The following CTNND2 variants were observed in gnomAD, a reference collection of about 807,000 sequenced individuals.
CTNND2 encodes catenin delta 2, also known as catenin delta-2.
A neutral mutation model predicts 144.4 loss-of-function variants in CTNND2; 22 were observed. The ratio of observed to expected loss-of-function variants is 0.15; its 90% CI spans 0.11 to 0.22. CTNND2 has a LOEUF of 0.22. Among genes scored for constraint, CTNND2 ranks in the 10% least tolerant of loss-of-function variants. The pLI is 1.00. For synonymous variants in CTNND2, 751 were observed against 695.6 expected (o/e 1.08, Z -1.25); for missense variants, 1,353 against 1,618.8 (o/e 0.84, Z 2.82).
chr5:11,519,841 G>A (rs1290961708), intron 3 of CTNND2, among the ~76,000 whole-genome samples: 1 of 151,846 alleles, frequency 6.6e-6, no homozygotes, highest in East Asian at 1.9e-4. Context: ...AGTGACTGTT[G>A]AAAATATCTC....
chr5:11,869,580 A>G (rs1795930217), intron 1 of CTNND2, among the ~76,000 whole-genome samples: 2 of 152,230 alleles, frequency 1.3e-5, no homozygotes, highest in South Asian at 4.1e-4. Flanking sequence ...AAGAATGGAA[A>G]GATGGAGAAT....
At chr5:11,620,556 C>G (rs1780780386) in intron 2 of CTNND2, among the ~76,000 whole-genome samples, 1 of 152,174 alleles carries the variant, frequency 6.6e-6, no homozygotes, top group African/African-American at 2.4e-5. Flanking sequence ...TCCTGACTGG[C>G]CCAGTGCTTG....
intron 10 of CTNND2, among the ~76,000 whole-genome samples, chr5:11,211,886 GA>G (rs1738676647): frequency 1.3e-5 from 2 of 152,060 alleles, no homozygotes; most frequent in Admixed American, 6.5e-5. Flanking sequence ...ATTTATGATA[GA>G]AATGTCGAGA....
intron 12 of CTNND2, among the ~76,000 whole-genome samples, chr5:11,151,273 T>C (rs972382486): frequency 6.6e-6 from 1 of 152,234 alleles, no homozygotes; most frequent in African/African-American, 2.4e-5. Context: ...AATAGATTTG[T>C]TTGCTTCTCC....
intron 16 of CTNND2, among the ~76,000 whole-genome samples, chr5:11,049,965 A>T (rs1362815596): frequency 6.6e-6 from 1 of 152,236 alleles, no homozygotes; most frequent in Non-Finnish European, 1.5e-5. Context: ...TTCCAGTGCC[A>T]GGCTCATAGT....
intron 9 of CTNND2, among the ~76,000 whole-genome samples, chr5:11,286,345 A>T (rs1270533584): frequency 1.3e-5 from 2 of 152,224 alleles, no homozygotes; most frequent in African/African-American, 4.8e-5. Flanking sequence ...TTCACTTATG[A>T]ACAAATCCCA....
chr5:11,551,533 T>C (rs1275046872), intron 3 of CTNND2, among the ~76,000 whole-genome samples: 2 of 144,280 alleles, frequency 1.4e-5, no homozygotes, highest in Admixed American at 1.5e-4. Context: ...TCCTCCCACC[T>C]CAGCCTCCTG....
At chr5:11,400,096 T>C (rs1760500848) in intron 5 of CTNND2, among the ~76,000 whole-genome samples, 4 of 152,224 alleles carry the variant, frequency 2.6e-5, no homozygotes, top group Admixed American at 2.6e-4. Context: ...AAAGCATTTA[T>C]AGTTTTGGGC....
chr5:11,304,015 G>A (rs1384599497), intron 9 of CTNND2, among the ~76,000 whole-genome samples: 8 of 152,060 alleles, frequency 5.3e-5, no homozygotes, highest in African/African-American at 7.2e-5. Context: ...CTTGCCTGCC[G>A]CCATGTAAGA....
chr5:11,865,633 TG>T (rs1315945078), intron 1 of CTNND2, among the ~76,000 whole-genome samples: 1 of 151,906 alleles, frequency 6.6e-6, no homozygotes, highest in Non-Finnish European at 1.5e-5. Flanking sequence ...CTAGAACCAG[TG>T]AATATGTTAT....
chr5:11,672,278 G>A (rs1012981418), intron 2 of CTNND2, among the ~76,000 whole-genome samples: 11 of 152,320 alleles, frequency 7.2e-5, no homozygotes, highest in Non-Finnish European at 1.2e-4. Context: ...CACTTGAGGA[G>A]GCAGTCTGTC....
chr5:11,398,001 T>G (rs1227483540), intron 5 of CTNND2, among the ~76,000 whole-genome samples: 2 of 152,216 alleles, frequency 1.3e-5, no homozygotes, highest in Non-Finnish European at 2.9e-5. Flanking sequence ...TTGATCAAAT[T>G]TAATACTCTC....
At chr5:11,736,248 G>C (rs1364032997) in intron 1 of CTNND2, among the ~76,000 whole-genome samples, 1 of 152,120 alleles carries the variant, frequency 6.6e-6, no homozygotes, top group Admixed American at 6.5e-5. Flanking sequence ...GGATTTAATA[G>C]GCACTGAATC....
At position 11,032,557 on chromosome 5, in the gene CTNND2, C is replaced by T. The variant is rs1743590979; in HGVS notation, c.2789-9578G>A. On this transcript the variant is annotated intron_variant, in intron 16 of 21. Coordinates refer to ENST00000304623, the MANE Select transcript of CTNND2 (RefSeq NM_001332.4). The stretch of plus-strand genomic sequence containing the variant: ...CTTAGTTACTGAAAATGTCTGAATG[C>T]TTGTTAATGTGGGAAAAGTCTCTTC... Among the ~76,000 whole-genome samples, 2 of 152,178 alleles carry T rather than the reference C, an allele frequency of 1.3e-5. 1 individual carries two copies. Among genetic ancestry groups the T allele is most frequent in the Admixed American group, 1.3e-4 (2 of 15,270 alleles).
intron 3 of CTNND2, among the ~76,000 whole-genome samples, chr5:11,456,535 C>T (rs1183247362): frequency 1.3e-5 from 2 of 152,122 alleles, no homozygotes; most frequent in Non-Finnish European, 2.9e-5. Context: ...CAGTTGCACA[C>T]ATCTATATTT....
At chr5:11,453,493 AT>A (rs1765464491) in intron 3 of CTNND2, among the ~76,000 whole-genome samples, 1 of 152,112 alleles carries the variant, frequency 6.6e-6, no homozygotes, top group Admixed American at 6.6e-5. Context: ...ATCACTGGAA[AT>A]TTTTTCATTG....
At chr5:11,185,068 A>G (rs1256941946) in intron 11 of CTNND2, among the ~76,000 whole-genome samples, 1 of 152,224 alleles carries the variant, frequency 6.6e-6, no homozygotes, top group African/African-American at 2.4e-5. Context: ...TTAAAGAAGC[A>G]TGCAAAGAGA....
intron 19 of CTNND2, among the ~76,000 whole-genome samples, chr5:10,990,924 T>C (rs531735367): frequency 2.6e-5 from 4 of 152,364 alleles, no homozygotes; most frequent in South Asian, 2.1e-4. Context: ...ATAACACTGA[T>C]TGGCTCACTG....
At chr5:11,013,057 C>A (rs931347587) in intron 18 of CTNND2, among the ~76,000 whole-genome samples, 1 of 152,174 alleles carries the variant, frequency 6.6e-6, no homozygotes, top group Non-Finnish European at 1.5e-5. Context: ...CTCACCTTCC[C>A]CTCACGCTTC....
Sources: gnomAD v4.1 joint callset for allele counts (sites outside exome capture counted in the v4.1 genomes callset) on GRCh38, gnomAD v4.1.1 for gene constraint, MANE v1.5 for transcripts, NCBI Gene and HGNC (gene_info 2026-07-23, HGNC 2026-07-21) for gene names.